Variants in NEK4 observed in about 807,000 individuals in gnomAD.
The protein encoded by NEK4 is NIMA related kinase 4, also known as serine/threonine-protein kinase Nek4.
Under a neutral mutation model 98.4 loss-of-function variants are expected in NEK4, and 86 were observed. That is an observed-to-expected ratio of 0.87 (90% CI 0.73 to 1.05). The LOEUF (loss-of-function observed/expected upper bound fraction) is 1.05. NEK4 is among the 50% of genes least tolerant of loss of function. The pLI, the probability that NEK4 is intolerant of heterozygous loss-of-function variation, is 0.00. For synonymous variants in NEK4, 328 were observed against 342.2 expected, an observed-to-expected ratio of 0.96 and a Z score of 0.46; for missense variants, 898 against 950.3, an observed-to-expected ratio of 0.94 and a Z score of 0.72.
intron 15 of NEK4, among the ~76,000 whole-genome samples, chr3:52,725,355 CA>C (rs1207715000): frequency 4.7e-5 from 7 of 148,590 alleles, no homozygotes; most frequent in African/African-American, 7.4e-5. Flanking sequence ...ACTAAAAATA[CA>C]AAAAAAAAAT....
intron 15 of NEK4, among the ~76,000 whole-genome samples, chr3:52,736,436 A>G (rs984941282): frequency 3.3e-5 from 5 of 152,070 alleles, no homozygotes; most frequent in African/African-American, 7.2e-5. Flanking sequence ...AATACAAAAC[A>G]TTAGCCAAGC....
intron 4 of NEK4, among the ~76,000 whole-genome samples, chr3:52,765,243 T>C (rs1698510165): frequency 6.6e-6 from 1 of 151,008 alleles, no homozygotes; most frequent in African/African-American, 2.4e-5. Flanking sequence ...CCCAGCTACT[T>C]GGTAAGCTAA....
intron 2 of NEK4, among the ~76,000 whole-genome samples, chr3:52,766,753 G>A (rs950639948): frequency 4.6e-5 from 7 of 152,154 alleles, no homozygotes; most frequent in East Asian, 3.9e-4. Context: ...TTGGGAGGCC[G>A]AGGCGGGTGG....
chr3:52,770,595 G>T, intron 1 of NEK4, 59 bp downstream of exon 1: 1 of 1,347,028 alleles, frequency 7.4e-7, no homozygotes. Flanking sequence ...TCTACCGGTC[G>T]GCGCCCTCGG....
chr3:52,737,916 C>T (rs907749043), intron 14 of NEK4, among the ~76,000 whole-genome samples, 197 bp from the exon 15 acceptor site: 3 of 152,028 alleles, frequency 2.0e-5, no homozygotes, highest in African/African-American at 4.8e-5. Flanking sequence ...TAGGTTCATG[C>T]CATTCTCCTG....
At chr3:52,744,383 C>T in intron 10 of NEK4, 78 bp from the exon 11 acceptor site, 1 of 1,133,436 alleles carries the variant, frequency 8.8e-7, no homozygotes, top group Non-Finnish European at 1.3e-6. Context: ...ATGTATCATT[C>T]AGCATTAAGA....
At position 52,737,566 on chromosome 3, in the gene NEK4, A is replaced by T. The variant is rs2097378326; in HGVS notation, c.2433+20T>A. 1 of 1,612,684 alleles carries T rather than the reference A, an allele frequency of 6.2e-7. No homozygotes were observed. Among genetic ancestry groups the T allele is most frequent in the Admixed American group, 1.7e-5 (1 of 59,834 alleles). On this transcript the variant is annotated intron_variant, in intron 15 of 15. Transcript: ENST00000233027. Reference sequence around the variant, plus strand: ...AATTCTATAACATAAGCATCTTGATACAGTTAATGAGACACTCACCTCTCT... The same window carrying T: ...AATTCTATAACATAAGCATCTTGATTCAGTTAATGAGACACTCACCTCTCT...
chr3:52,716,275 G>C (rs61143672), intron 15 of NEK4, among the ~76,000 whole-genome samples: 2,049 of 152,310 alleles, frequency 0.013, 52 homozygotes, highest in African/African-American at 0.047. Flanking sequence ...ATCAGCCACA[G>C]ACGTTTCTGG....
intron 15 of NEK4, among the ~76,000 whole-genome samples, chr3:52,716,890 A>G (rs2097355619): frequency 6.6e-6 from 1 of 152,096 alleles, no homozygotes; most frequent in Admixed American, 6.5e-5. Context: ...CAAAAATTCT[A>G]CTCCAGGCCA....
chr3:52,734,237 G>C (rs1198895614), intron 15 of NEK4, among the ~76,000 whole-genome samples: 2 of 151,932 alleles, frequency 1.3e-5, no homozygotes, highest in African/African-American at 2.4e-5. Flanking sequence ...ACGAGGTCAG[G>C]AGTTCAAGAC....
At chr3:52,750,035 T>C (rs936524204) in intron 7 of NEK4, among the ~76,000 whole-genome samples, 1 of 152,210 alleles carries the variant, frequency 6.6e-6, no homozygotes, top group Non-Finnish European at 1.5e-5. Flanking sequence ...AAAACAATTT[T>C]GCAGTTTCTC....
intron 15 of NEK4, among the ~76,000 whole-genome samples, chr3:52,731,500 A>G (rs1432450056): frequency 1.3e-5 from 2 of 152,236 alleles, no homozygotes; most frequent in Non-Finnish European, 2.9e-5. Flanking sequence ...AGAGTCCAGA[A>G]ATAAGCCCAT....
chr3:52,738,114 ATT>A (rs749656278), intron 14 of NEK4, among the ~76,000 whole-genome samples: 1 of 145,072 alleles, frequency 6.9e-6, no homozygotes, highest in African/African-American at 2.5e-5. Context: ...CACCCGGCCT[ATT>A]TTTTTTTTTT....
chr3:52,754,073 G>A (rs2097410433), intron 6 of NEK4: 1 of 247,574 alleles, frequency 4.0e-6, no homozygotes, highest in Non-Finnish European at 7.9e-6. Flanking sequence ...TGAGGCAGGA[G>A]ATCACTTGAA....
At chr3:52,767,867 C>T (rs1017485963) in intron 2 of NEK4, among the ~76,000 whole-genome samples, 1 of 152,170 alleles carries the variant, frequency 6.6e-6, no homozygotes, top group Non-Finnish European at 1.5e-5. Context: ...TGTAGGAACA[C>T]TTATTCCATC....
chr3:52,739,547 G>C lies in NEK4; in HGVS notation c.2181C>G (p.Val727=), dbSNP rs1177736813. 1.9e-6 allele frequency: 3 copies of C among 1,613,934 alleles called. No homozygotes were observed. The African/African-American group carries it at 4.0e-5, about 22-fold the overall frequency. The change falls in exon 14 of 16, where the codon GTC becomes GTG. Residue 727 remains valine, a synonymous_variant. Transcript: ENST00000233027. ...ATTCTGACACTGGGTTTGCTACCGGGACATCTTCACAGCTCTCTTTAGAAT... is the reference window on the plus strand; with the variant it reads ...ATTCTGACACTGGGTTTGCTACCGGCACATCTTCACAGCTCTCTTTAGAAT... ...KLDSKESCED[V]PVANPVSEFK...
At chr3:52,734,473 G>C (rs1353476056) in intron 15 of NEK4, among the ~76,000 whole-genome samples, 3 of 117,590 alleles carry the variant, frequency 2.6e-5, no homozygotes, top group African/African-American at 8.5e-5. Flanking sequence ...AAAAGATCGA[G>C]ACCATCCTGG....
rs374806162 is a variant in NEK4 at position 52,752,249 on chromosome 3, G to A, written c.1051C>T (p.Gln351Ter). Residue 351 changes from glutamine to a stop codon, truncating the protein, a stop_gained, in exon 7 of 16, where the codon CAG (glutamine) becomes TAG (stop). Coordinates refer to ENST00000233027, the MANE Select transcript of NEK4 (RefSeq NM_003157.6). LOFTEE classifies it high-confidence loss of function. ...AGTTCTGTGGTATTGCTCAAGTCCT[G>A]TTTGCAGGTATGGGCTTTCAGACTG... is the stretch of plus-strand genomic sequence containing the variant. ...PASLKAHTCKQDLSNTTELAT... is the reference protein window; with the variant it reads ...PASLKAHTCK The A allele has an allele frequency of 1.2e-6, 2 of 1,614,182 alleles. No individual in the cohort carries two copies. Among genetic ancestry groups the A allele is most frequent in the South Asian group, 1.1e-5 (1 of 91,084 alleles).
At chr3:52,720,966 A>G (rs1402847894) in intron 15 of NEK4, among the ~76,000 whole-genome samples, 1 of 152,244 alleles carries the variant, frequency 6.6e-6, no homozygotes, top group Non-Finnish European at 1.5e-5. Flanking sequence ...TCCTCACTCA[A>G]GCAAAAATTG....
Sources: gnomAD v4.1 joint callset for allele counts (sites outside exome capture counted in the v4.1 genomes callset) on GRCh38, gnomAD v4.1.1 for gene constraint, MANE v1.5 for transcripts, NCBI Gene and HGNC (gene_info 2026-07-23, HGNC 2026-07-21) for gene names.